Variants in HIVEP1 observed in about 807,000 individuals in gnomAD.
HIVEP1 encodes the protein zinc finger protein 40.
In HIVEP1, 36 loss-of-function variants were observed where a neutral mutation model predicts 180.0. The observed-to-expected ratio is 0.20, with a 90% CI of 0.15 to 0.26. The LOEUF (loss-of-function observed/expected upper bound fraction) is 0.26, where lower values mean the gene tolerates loss of function less well. Ranked by LOEUF, HIVEP1 falls within the 10% of genes least tolerant of loss-of-function variation. HIVEP1 has a pLI of 1.00. For synonymous variants in HIVEP1, 1,239 were observed against 1,239.0 expected (o/e 1.00, Z 0.00); for missense variants, 3,143 against 3,268.7 (o/e 0.96, Z 0.94).
chr6:12,020,246 A>C (rs955821258), intron 2 of HIVEP1: 32 of 458,218 alleles, frequency 7.0e-5, no homozygotes, highest in Non-Finnish European at 5.0e-5. Flanking sequence ...TCCCATCTGC[A>C]GGAAACGTGG....
the HIVEP1 span, among the ~76,000 whole-genome samples, chr6:12,201,654 A>G: frequency 1.3e-5 from 2 of 152,288 alleles, no homozygotes; most frequent in Non-Finnish European, 2.9e-5. Context: ...AACCTATTTT[A>G]TCTTCTTCTC....
At chr6:12,116,207 A>G (rs1430570432) in intron 3 of HIVEP1, among the ~76,000 whole-genome samples, 1 of 152,108 alleles carries the variant, frequency 6.6e-6, no homozygotes, top group East Asian at 1.9e-4. Context: ...AGATAGATTT[A>G]AAATTAATCA....
chr6:12,030,575 C>T (rs1489989737), intron 2 of HIVEP1, among the ~76,000 whole-genome samples: 1 of 152,114 alleles, frequency 6.6e-6, no homozygotes, highest in African/African-American at 2.4e-5. Flanking sequence ...GTAAATTTTT[C>T]ATTTCACTTA....
Position 12,120,269 on chromosome 6 carries a change from C to A in HIVEP1, c.474C>A (p.Asp158Glu). Residue 158 changes from aspartate (D) to glutamate (E), a missense_variant, in exon 4 of 9, where the codon GAC becomes GAA. Transcript: ENST00000379388. ...SEGADPAKFS[D>E]LDEQCDSSSL... The stretch of plus-strand genomic sequence containing the variant: ...GCGCTGATCCTGCCAAATTCAGTGA[C>A]CTCGATGAACAATGTGACTCAAGTT... 1.2e-6 allele frequency: 2 copies of A among 1,614,144 alleles called. No homozygotes were observed. Among genetic ancestry groups the A allele is most frequent in the Non-Finnish European group, 1.7e-6 (2 of 1,180,008 alleles).
intron 3 of HIVEP1, among the ~76,000 whole-genome samples, chr6:12,104,733 G>A (rs1323444546): frequency 6.6e-6 from 1 of 152,064 alleles, no homozygotes; most frequent in African/African-American, 2.4e-5. Context: ...ACTGCACCTA[G>A]CAACTGTCTT....
chr6:12,141,066 G>A (rs751641691), intron 7 of HIVEP1, among the ~76,000 whole-genome samples: 2 of 152,122 alleles, frequency 1.3e-5, no homozygotes, highest in Admixed American at 6.5e-5. Flanking sequence ...ACACATAATT[G>A]TCAGATTCAC....
In HIVEP1 at chr6:12,164,185, T is replaced by C. The variant is rs752297732; in HGVS notation, c.7881T>C (p.Leu2627=). ...PPAPAGDHAR[L]DGLSKMDTEK... is the part of the protein sequence containing the mutation. ...CCCCTGCAGGTGACCATGCAAGGCT[T>C]GATGGCCTGAGTAAAATGGACACAG... The change falls in exon 9 of 9, where the codon CTT becomes CTC. Residue 2627 remains leucine, a synonymous_variant. Coordinates refer to ENST00000379388, the MANE Select transcript of HIVEP1 (RefSeq NM_002114.4). 2.5e-6 allele frequency: 4 copies of C among 1,614,174 alleles called. No individual in the cohort carries two copies. In the Admixed American group the frequency reaches 6.7e-5, roughly 27 times the overall value.
chr6:12,179,715 G>GT, the HIVEP1 span, among the ~76,000 whole-genome samples: 7 of 152,094 alleles, frequency 4.6e-5, no homozygotes, highest in East Asian at 1.9e-4. Context: ...TACAAGTAAT[G>GT]TTTTTTTAAA....
chr6:12,097,569 T>G (rs1419762540), intron 3 of HIVEP1, among the ~76,000 whole-genome samples: 1 of 152,154 alleles, frequency 6.6e-6, no homozygotes, highest in Non-Finnish European at 1.5e-5. Context: ...AATATTCACA[T>G]CTTACGAAGT....
intron 2 of HIVEP1, among the ~76,000 whole-genome samples, chr6:12,039,757 A>G (rs568342338): frequency 6.6e-6 from 1 of 152,268 alleles, no homozygotes; most frequent in South Asian, 2.1e-4. Flanking sequence ...AACCCCCAAC[A>G]CAGGTGGATA....
chr6:12,079,476 C>G (rs1425477255), intron 2 of HIVEP1, among the ~76,000 whole-genome samples: 1 of 152,176 alleles, frequency 6.6e-6, no homozygotes, highest in Non-Finnish European at 1.5e-5. Context: ...TCAGTATCCA[C>G]TAACATCAGC....
At chr6:12,010,512 T>A (rs1581472535), upstream of HIVEP1, among the ~76,000 whole-genome samples, 1 of 152,250 alleles carries the variant, frequency 6.6e-6, no homozygotes, top group East Asian at 1.9e-4. Flanking sequence ...ACAAAACAAT[T>A]CAAGTTTGCA....
chr6:12,172,898 C>T, the HIVEP1 span, among the ~76,000 whole-genome samples: 1 of 150,472 alleles, frequency 6.6e-6, no homozygotes, highest in Non-Finnish European at 1.5e-5. Flanking sequence ...ATTCATAAAA[C>T]ATCCCATTTA....
At chr6:12,067,983 T>C (rs77086314) in intron 2 of HIVEP1, among the ~76,000 whole-genome samples, 3,425 of 152,290 alleles carry the variant, frequency 0.022, 141 homozygotes, top group African/African-American at 0.078. Flanking sequence ...GACCTACTTA[T>C]ATTTTTCATA....
chr6:12,110,086 C>G (rs1045992240), intron 3 of HIVEP1, among the ~76,000 whole-genome samples: 3 of 152,192 alleles, frequency 2.0e-5, no homozygotes, highest in Non-Finnish European at 4.4e-5. Context: ...AGTAGTCACT[C>G]TCAATATTGG....
chr6:12,062,229 A>C (rs984001511), intron 2 of HIVEP1, among the ~76,000 whole-genome samples: 2 of 152,198 alleles, frequency 1.3e-5, no homozygotes, highest in Non-Finnish European at 2.9e-5. Context: ...TTATTACATT[A>C]AGTTAAAATA....
chr6:12,161,769 C>G lies in HIVEP1; in HGVS notation c.6818C>G (p.Ser2273Cys). 1 of 1,614,196 alleles carries G rather than the reference C, an allele frequency of 6.2e-7. No individual in the cohort carries two copies. The highest frequency in any genetic ancestry group is 8.5e-7 in the Non-Finnish European group (1 of 1,180,026). ...TCTGACTACAATAGGAAGACACTCT[C>G]TCCGGGGAAGGCCAGGCAGCGTGCT... is the stretch of plus-strand genomic sequence containing the variant. ...AQSDYNRKTL[S>C]PGKARQRAAR... is the part of the protein sequence containing the mutation. The change falls in exon 8 of 9, where the codon TCT becomes TGT. Residue 2273 changes from serine to cysteine, a missense_variant. This residue lies in a region of HIVEP1 where 595 missense variants were observed against 602.2 expected (regional missense o/e 0.99). Transcript: ENST00000379388.
Position 12,149,545 on chromosome 6 carries a change from C to T in HIVEP1, c.6488-11894C>T, listed in dbSNP as rs142810441. On this transcript the variant is annotated intron_variant, in intron 7 of 8. Coordinates refer to ENST00000379388, the MANE Select transcript of HIVEP1 (RefSeq NM_002114.4). The stretch of plus-strand genomic sequence containing the variant: ...CCCAGTATAGTACTTATTTTTTAAA[C>T]ATCATTACCACTTGGTAATATCTCC... 1.6e-4 allele frequency among the ~76,000 whole-genome samples: 24 copies of T among 152,302 alleles called. No homozygotes were observed. In the East Asian group the frequency reaches 4.6e-3, roughly 29 times the overall value.
the HIVEP1 span, among the ~76,000 whole-genome samples, chr6:12,196,963 G>T: frequency 6.6e-6 from 1 of 152,164 alleles, no homozygotes; most frequent in African/African-American, 2.4e-5. Flanking sequence ...AATGTATAAA[G>T]ACACATTCCT....
Sources: gnomAD v4.1 joint callset for allele counts (sites outside exome capture counted in the v4.1 genomes callset) on GRCh38, gnomAD v4.1.1 for gene constraint, gnomAD v4.1.1 regional missense constraint, MANE v1.5 for transcripts, NCBI Gene and HGNC (gene_info 2026-07-23, HGNC 2026-07-21) for gene names.